ABCA12: variants seen among roughly 807,000 people sequenced by gnomAD.
ABCA12 encodes glucosylceramide transporter ABCA12.
Under a neutral mutation model 293.5 loss-of-function variants are expected in ABCA12, and 156 were observed. That is an observed-to-expected ratio of 0.53 (90% CI 0.47 to 0.61). ABCA12 has a LOEUF of 0.61. ABCA12 is among the 20% of genes least tolerant of loss of function. The pLI is 0.00. For synonymous variants in ABCA12, 1,063 were observed against 1,108.0 expected, an observed-to-expected ratio of 0.96 and a Z score of 0.81; for missense variants, 2,797 against 3,090.2, an observed-to-expected ratio of 0.91 and a Z score of 2.25.
chr2:215,012,023 T>A lies in ABCA12; in HGVS notation c.2069A>T (p.Lys690Ile). 1 of 1,614,106 alleles carries A rather than the reference T, an allele frequency of 6.2e-7. No homozygotes were observed. The highest frequency in any genetic ancestry group is 8.5e-7 in the Non-Finnish European group (1 of 1,179,952). The change falls in exon 16 of 53, where the codon AAA becomes ATA. Residue 690 changes from lysine (K) to isoleucine (I), a missense_variant. By Grantham distance (102) the Lys-to-Ile change is moderately radical. Around this residue, in one of 3 missense-constraint regions of ABCA12, gnomAD observed 2,130 missense variants for 2,427.0 expected, o/e 0.88. Coordinates refer to ENST00000272895, the MANE Select transcript of ABCA12 (RefSeq NM_173076.3). ...ATGCATTTGCTTCAGGGATCTCATTTTGTCTAGCAGCGGATGTGTGCCAGA... is the reference window on the plus strand; with the variant it reads ...ATGCATTTGCTTCAGGGATCTCATTATGTCTAGCAGCGGATGTGTGCCAGA... The part of the protein sequence containing the change: ...MASGTHPLLD[K>I]MRSLKQMHLP...
intron 2 of ABCA12, among the ~76,000 whole-genome samples, chr2:215,066,599 C>G (rs2106076601): frequency 6.6e-6 from 1 of 150,508 alleles, no homozygotes; most frequent in Admixed American, 6.6e-5. Flanking sequence ...AGAGGACAAA[C>G]CTAATTTATA....
At chr2:215,128,848 A>T (rs963449445) in intron 1 of ABCA12, among the ~76,000 whole-genome samples, 2 of 151,820 alleles carry the variant, frequency 1.3e-5, no homozygotes, top group Non-Finnish European at 2.9e-5. Context: ...AACTAGTGTG[A>T]TTTTCTGGGG....
chr2:215,032,436 C>T (rs1464685), intron 8 of ABCA12: 168,699 of 168,890 alleles, frequency 1, 84,254 homozygotes, highest in Non-Finnish European at 1. Context: ...AACAGAACTG[C>T]TCTGAGAGTT....
intron 2 of ABCA12, among the ~76,000 whole-genome samples, chr2:215,097,186 T>C (rs1332100619): frequency 1.3e-5 from 2 of 152,128 alleles, no homozygotes; most frequent in Non-Finnish European, 1.5e-5. Context: ...ACGAAATTGT[T>C]CATTCTCTTC....
intron 50 of ABCA12, among the ~76,000 whole-genome samples, chr2:214,939,686 T>C (rs1698333430): frequency 6.6e-6 from 1 of 152,164 alleles, no homozygotes; most frequent in African/African-American, 2.4e-5. Flanking sequence ...TCATATCCCT[T>C]GTAAGTTGGA....
chr2:215,109,737 A>T (rs1702532671), intron 2 of ABCA12, among the ~76,000 whole-genome samples: 1 of 152,106 alleles, frequency 6.6e-6, no homozygotes, highest in African/African-American at 2.4e-5. Flanking sequence ...TTTTCCATGA[A>T]TCTCTAATGC....
chr2:215,114,280 C>T (rs763984571), intron 1 of ABCA12, among the ~76,000 whole-genome samples: 18 of 152,114 alleles, frequency 1.2e-4, no homozygotes, highest in Non-Finnish European at 2.5e-4. Context: ...GCCAAATTTG[C>T]TTTCTTAATA....
chr2:215,055,060 T>A (rs1701393175), intron 3 of ABCA12, among the ~76,000 whole-genome samples: 2 of 152,026 alleles, frequency 1.3e-5, no homozygotes, highest in South Asian at 2.1e-4. Context: ...TTTGTCAACA[T>A]TAAAAGAAAA....
Position 215,138,394 on chromosome 2 carries a change from T to G in ABCA12, c.-186A>C. 1.5e-6 allele frequency: 1 copy of G among 653,840 alleles called. No homozygotes were observed. The highest frequency in any genetic ancestry group is 2.7e-6 in the Non-Finnish European group (1 of 366,668). 40.5% of individuals were successfully genotyped at this position (653,840 alleles called of 1,614,324 possible). A position where few individuals can be genotyped will look rare whatever the true frequency, so the allele number is the denominator to read the frequency against. On this transcript the variant is annotated 5_prime_UTR_variant, in exon 1 of 53. Transcript: ENST00000272895. ...CTGCTGGATTTTTCCCTGTGGTTAA[T>G]CCTTAACCAAGAGGCACTTCTCAAT...
rs1274612827 is a variant in ABCA12, at chr2:214,980,586, C to A, written c.4637G>T (p.Arg1546Leu). ...HLDEAEVLSD[R>L]IAFLEQGGLR... ...CCCACCCTGCTCCAGGAAGGCGATG[C>A]GGTCACTCAGCACTTCAGCCTCGTC... The change falls in exon 31 of 53, where the codon CGC becomes CTC. Residue 1546 changes from arginine (R) to leucine (L), a missense_variant. This residue lies in a region of ABCA12 where 2,130 missense variants were observed against 2,427.0 expected (regional missense o/e 0.88). Coordinates refer to ENST00000272895, the MANE Select transcript of ABCA12 (RefSeq NM_173076.3). 6.2e-7 allele frequency: 1 copy of A among 1,613,938 alleles called. No homozygotes were observed. The highest frequency in any genetic ancestry group is 8.5e-7 in the Non-Finnish European group (1 of 1,179,990).
intron 1 of ABCA12, among the ~76,000 whole-genome samples, chr2:215,119,320 T>G (rs1702752541): frequency 6.6e-6 from 1 of 152,178 alleles, no homozygotes; most frequent in Non-Finnish European, 1.5e-5. Flanking sequence ...TAGGTCCCAT[T>G]TATTAATTTT....
intron 2 of ABCA12, among the ~76,000 whole-genome samples, chr2:215,068,165 A>G (rs533970557): frequency 6.6e-6 from 1 of 152,296 alleles, no homozygotes; most frequent in South Asian, 2.1e-4. Flanking sequence ...AACTTATTAG[A>G]AATAAAAATT....
chr2:215,054,357 G>C (rs1701378917), intron 4 of ABCA12, among the ~76,000 whole-genome samples: 1 of 152,020 alleles, frequency 6.6e-6, no homozygotes, highest in African/African-American at 2.4e-5. Flanking sequence ...TGCTCCTATG[G>C]AGTATTTCAG....
intron 48 of ABCA12, 114 bp downstream of exon 48, chr2:214,947,308 A>G: frequency 1.4e-6 from 2 of 1,460,138 alleles, no homozygotes; most frequent in South Asian, 1.1e-5. Flanking sequence ...TAGCTAGCAC[A>G]TAGTGAGACC....
In ABCA12 at chr2:214,987,512, A is replaced by G. The variant is rs144873468; in HGVS notation, c.3976+135T>C. On this transcript the variant is annotated intron_variant, in intron 27 of 52. Coordinates refer to ENST00000272895, the MANE Select transcript of ABCA12 (RefSeq NM_173076.3). ...AATCCCCATAAGAGTCCAAAGACGC[A>G]TGTGTAGACATTTTCATCCATGACT... 5.2e-6 allele frequency: 6 copies of G among 1,158,498 alleles called. No homozygotes were observed. The African/African-American group carries it at 9.4e-5, about 18-fold the overall frequency. The allele number at this position is 1,158,498 out of a possible 1,614,324, so 71.8% of individuals were successfully genotyped here. A position where few individuals can be genotyped will look rare whatever the true frequency, so the allele number is the denominator to read the frequency against.
chr2:215,021,070 C>T (rs1049767553), intron 11 of ABCA12, among the ~76,000 whole-genome samples: 1 of 152,188 alleles, frequency 6.6e-6, no homozygotes, highest in Non-Finnish European at 1.5e-5. Flanking sequence ...TGGCTGGTCT[C>T]ACTCTTGGGC....
chr2:215,099,432 C>T (rs528515695), intron 2 of ABCA12, among the ~76,000 whole-genome samples: 4 of 152,280 alleles, frequency 2.6e-5, no homozygotes, highest in East Asian at 1.9e-4. Flanking sequence ...CGGTGGCTCA[C>T]GCCTGTAATC....
intron 41 of ABCA12, 58 bp from the exon 42 acceptor site, chr2:214,956,836 A>T: frequency 7.9e-7 from 1 of 1,262,772 alleles, no homozygotes; most frequent in Non-Finnish European, 1.2e-6. Context: ...AAAAAAAAAA[A>T]AATCAATAAC....
intron 19 of ABCA12, 53 bp from the exon 20 acceptor site, chr2:215,004,352 C>T: frequency 2.2e-6 from 3 of 1,356,932 alleles, no homozygotes; most frequent in Non-Finnish European, 3.1e-6. Context: ...TCATGTTTGA[C>T]ATTGTCTCTC....
Sources: allele counts gnomAD v4.1 joint callset (sites outside exome capture counted in the v4.1 genomes callset), GRCh38; gene constraint gnomAD v4.1.1; regional missense constraint gnomAD v4.1.1; transcripts MANE v1.5; gene names NCBI Gene and HGNC (gene_info 2026-07-23, HGNC 2026-07-21).